The following VRK1 variants were observed in gnomAD, a reference collection of about 807,000 sequenced individuals.
VRK1 encodes serine/threonine-protein kinase VRK1.
VRK1 carries 33 observed loss-of-function variants against 57.1 expected under a neutral mutation model. The observed-to-expected ratio is 0.58, with a 90% CI of 0.44 to 0.77. The LOEUF is 0.77. Among genes scored for constraint, VRK1 ranks in the 30% least tolerant of loss-of-function variants. The pLI is 0.00. For missense variants in VRK1, 413 were observed against 477.3 expected, an observed-to-expected ratio of 0.87 and a Z score of 1.25; for synonymous variants, 137 against 147.8, an observed-to-expected ratio of 0.93 and a Z score of 0.53.
chr14:96,857,796 A>G (rs1456310996), intron 10 of VRK1, among the ~76,000 whole-genome samples: 11 of 152,150 alleles, frequency 7.2e-5, no homozygotes, highest in African/African-American at 2.7e-4. Flanking sequence ...TCCCCATATC[A>G]ATAAATACAA....
chr14:96,834,686 C>T (rs1297463018), intron 2 of VRK1, among the ~76,000 whole-genome samples: 1 of 152,104 alleles, frequency 6.6e-6, no homozygotes, highest in Non-Finnish European at 1.5e-5. Context: ...GCATATGATT[C>T]CTGTTGGCCA....
At chr14:96,855,921 A>G (rs1164260192) in intron 8 of VRK1, among the ~76,000 whole-genome samples, 1 of 152,198 alleles carries the variant, frequency 6.6e-6, no homozygotes, top group Non-Finnish European at 1.5e-5. Context: ...TGGGTTTTAA[A>G]GTAGATTATT....
Position 96,852,930 on chromosome 14 carries a change from C to T in VRK1, c.474C>T (p.Ser158=), listed in dbSNP as rs2139795825. ...RFSRKTVLQL[S]LRILDILEYI... is the part of the protein sequence containing the mutation. ...CTCGGAAAACTGTCTTGCAGCTAAGCTTAAGAATTGTATGTGAGCTATGTT... is the reference window on the plus strand; with the variant it reads ...CTCGGAAAACTGTCTTGCAGCTAAGTTTAAGAATTGTATGTGAGCTATGTT... Residue 158 remains serine (S), a synonymous_variant, in exon 6 of 13, where the codon AGC becomes AGT. Coordinates refer to ENST00000216639, the MANE Select transcript of VRK1 (RefSeq NM_003384.3). The T allele has an allele frequency of 6.2e-7, 1 of 1,613,590 alleles. No individual in the cohort carries two copies. The highest frequency in any genetic ancestry group is 8.5e-7 in the Non-Finnish European group (1 of 1,179,742).
chr14:96,860,772 G>A (rs558259782), intron 11 of VRK1, 37 bp downstream of exon 11: 3 of 1,604,342 alleles, frequency 1.9e-6, no homozygotes, highest in South Asian at 1.1e-5. Flanking sequence ...TGGTCTTCTT[G>A]TGTTTATAAT....
intron 1 of VRK1, among the ~76,000 whole-genome samples, chr14:96,820,844 G>A (rs1458560715): frequency 2.0e-5 from 3 of 152,116 alleles, no homozygotes; most frequent in East Asian, 3.9e-4. Flanking sequence ...ATGATGGATC[G>A]TTAGGCATTT....
At chr14:96,843,146 C>T (rs1887532880) in intron 3 of VRK1, among the ~76,000 whole-genome samples, 1 of 152,218 alleles carries the variant, frequency 6.6e-6, no homozygotes, top group Admixed American at 6.5e-5. Context: ...ACCTACAGAA[C>T]AGACACTGTA....
chr14:96,820,333 T>C (rs1886552791), intron 1 of VRK1, among the ~76,000 whole-genome samples: 1 of 152,146 alleles, frequency 6.6e-6, no homozygotes, highest in African/African-American at 2.4e-5. Context: ...ATGGTCAACG[T>C]TGAGTTCTTC....
In VRK1 at chr14:96,881,178, T is replaced by C. The variant is rs1196862965; in HGVS notation, c.1161T>C (p.Arg387=). 2.5e-6 allele frequency: 4 copies of C among 1,605,618 alleles called. No homozygotes were observed. The East Asian group carries it at 9.0e-5, about 36-fold the overall frequency. Residue 387 remains arginine (R), a splice_region_variant and synonymous_variant, in exon 13 of 13, where the codon CGT becomes CGC. Transcript: ENST00000216639. The stretch of plus-strand genomic sequence containing the variant: ...CAGTTTCTTTGATTTTTCTTCAAGG[T>C]TCAAGAACCAGAAAGAGAGTCCAGA... The part of the protein sequence containing the change: ...NTQTEEAIQT[R]SRTRKRVQK
At chr14:96,880,906 A>G (rs539724420) in intron 12 of VRK1, among the ~76,000 whole-genome samples, 1 of 152,270 alleles carries the variant, frequency 6.6e-6, no homozygotes, top group East Asian at 1.9e-4. Context: ...TAAAAATTAG[A>G]TACGTTTTAT....
chr14:96,819,289 A>G (rs554858374), intron 1 of VRK1, among the ~76,000 whole-genome samples: 1 of 152,246 alleles, frequency 6.6e-6, no homozygotes, highest in Non-Finnish European at 1.5e-5. Context: ...CCCAACTTCT[A>G]AAATGAACTG....
intron 11 of VRK1, among the ~76,000 whole-genome samples, chr14:96,873,609 A>G (rs559264881): frequency 6.6e-6 from 1 of 152,344 alleles, no homozygotes; most frequent in African/African-American, 2.4e-5. Flanking sequence ...CACTTTGTGA[A>G]GACATTTTTC....
chr14:96,834,452 C>T (rs1417150457), intron 2 of VRK1, among the ~76,000 whole-genome samples: 2 of 152,118 alleles, frequency 1.3e-5, no homozygotes, highest in Non-Finnish European at 2.9e-5. Flanking sequence ...CCTCAGACTA[C>T]GAATCAGAAA....
intron 7 of VRK1, 130 bp from the exon 8 acceptor site, chr14:96,855,094 T>G: frequency 7.7e-7 from 1 of 1,298,442 alleles, no homozygotes; most frequent in Non-Finnish European, 1.1e-6. Flanking sequence ...ATCTAAATTG[T>G]TTGGAGTGTT....
In VRK1 at chr14:96,881,379, C is replaced by A. The variant is rs1889253340; in HGVS notation, c.*171C>A. On this transcript the variant is annotated 3_prime_UTR_variant, in exon 13 of 13. Coordinates refer to ENST00000216639, the MANE Select transcript of VRK1 (RefSeq NM_003384.3). ...TTTTATAAAAATATTTTGTACAATTCATTAAAGGCTAATTTATGAAATTTG... is the reference window on the plus strand; with the variant it reads ...TTTTATAAAAATATTTTGTACAATTAATTAAAGGCTAATTTATGAAATTTG... 10 of 601,086 alleles carry A rather than the reference C, an allele frequency of 1.7e-5. No homozygotes were observed. The South Asian group carries it at 2.2e-4, about 13-fold the overall frequency. The allele number at this position is 601,086 out of a possible 1,614,324, so 37.2% of individuals were successfully genotyped here. A position where few individuals can be genotyped will look rare whatever the true frequency, so the allele number is the denominator to read the frequency against.
At position 96,812,285 on chromosome 14, in the gene VRK1, C is replaced by T. The variant is rs556512319; in HGVS notation, c.-6+14838C>T. Among the ~76,000 whole-genome samples, 6 of 152,248 alleles carry T rather than the reference C, an allele frequency of 3.9e-5. No homozygotes were observed. The South Asian group carries it at 1.0e-3, about 26-fold the overall frequency. ...TGTGTGGGTATGTGTTTTCATTTCT[C>T]TTGAGTATACCTAGGTAATTCTTTA... On this transcript the variant is annotated intron_variant, in intron 1 of 12. Transcript: ENST00000216639.
chr14:96,858,146 T>TGCAGCCTTGACCTCCTGAGCTC (rs1407398933), intron 10 of VRK1, among the ~76,000 whole-genome samples: 2 of 152,144 alleles, frequency 1.3e-5, no homozygotes, highest in East Asian at 1.9e-4. Flanking sequence ...CACAGCTCAC[T>TGCAGCCTTGACCTCCTGAGCTC]GCAGCCTTGA....
chr14:96,862,867 G>A (rs777040301), intron 11 of VRK1, among the ~76,000 whole-genome samples: 13 of 152,116 alleles, frequency 8.5e-5, no homozygotes, highest in Admixed American at 1.3e-4. Flanking sequence ...TTTTGAAAGT[G>A]TGAAGTATAT....
At chr14:96,866,933 A>G (rs982473197) in intron 11 of VRK1, among the ~76,000 whole-genome samples, 6 of 152,172 alleles carry the variant, frequency 3.9e-5, no homozygotes, top group African/African-American at 1.4e-4. Flanking sequence ...ATTTTTTAAC[A>G]CATTTTAATT....
At chr14:96,814,667 A>C (rs1274284125) in intron 1 of VRK1, among the ~76,000 whole-genome samples, 1 of 152,146 alleles carries the variant, frequency 6.6e-6, no homozygotes. Context: ...ATTGTTGCAC[A>C]GCTCCCAGGG....
Sources: gnomAD v4.1 joint callset for allele counts (sites outside exome capture counted in the v4.1 genomes callset) on GRCh38, gnomAD v4.1.1 for gene constraint, MANE v1.5 for transcripts, NCBI Gene and HGNC (gene_info 2026-07-23, HGNC 2026-07-21) for gene names.